The following EIF3H variants were observed in gnomAD, a reference collection of about 807,000 sequenced individuals.
EIF3H encodes eIF-3-gamma.
EIF3H carries 26 observed loss-of-function variants against 44.2 expected under a neutral mutation model. The observed-to-expected ratio is 0.59, with a 90% CI of 0.43 to 0.82. The LOEUF is 0.82. EIF3H is among the 40% of genes least tolerant of loss of function. The pLI, the probability that EIF3H is intolerant of heterozygous loss-of-function variation, is 0.00. For missense variants in EIF3H, 359 were observed against 432.8 expected (o/e 0.83, Z 1.51); for synonymous variants, 166 against 151.9 (o/e 1.09, Z -0.68).
At chr8:116,702,445 C>T (rs1363168603) in intron 2 of EIF3H, among the ~76,000 whole-genome samples, 1 of 152,210 alleles carries the variant, frequency 6.6e-6, no homozygotes, top group African/African-American at 2.4e-5. Flanking sequence ...TAACCACGTA[C>T]TGCCTTGTGA....
In EIF3H at chr8:116,763,823, A is replaced by C. The variant is rs141494635; in HGVS notation, c.-27+1692T>G. On this transcript the variant is annotated intron_variant, in intron 1 of 9. Coordinates refer to the EIF3H transcript ENST00000276682. Reference sequence around the variant, plus strand: ...GTCTAACATTTACGAAATTAAACAAAATTATACTAACATTGATGAAATTCA... The same window carrying C: ...GTCTAACATTTACGAAATTAAACAACATTATACTAACATTGATGAAATTCA... Among the ~76,000 whole-genome samples, 922 of 152,350 alleles carry C rather than the reference A, an allele frequency of 6.1e-3. 7 individuals are homozygous for C. The highest frequency in any genetic ancestry group is 0.02 in the African/African-American group (848 of 41,578).
intron 1 of EIF3H, among the ~76,000 whole-genome samples, chr8:116,727,019 T>C (rs1011904164): frequency 6.6e-6 from 1 of 152,166 alleles, no homozygotes; most frequent in Non-Finnish European, 1.5e-5. Flanking sequence ...AAAATTGTAA[T>C]GTAAAGTTCT....
intron 7 of EIF3H, among the ~76,000 whole-genome samples, chr8:116,645,709 T>G (rs1563630904): frequency 6.6e-6 from 1 of 152,210 alleles, no homozygotes; most frequent in African/African-American, 2.4e-5. Flanking sequence ...AATTGGACCT[T>G]TGGGAAGGAA....
At chr8:116,691,632 T>C (rs893711115) in intron 2 of EIF3H, among the ~76,000 whole-genome samples, 7 of 152,098 alleles carry the variant, frequency 4.6e-5, no homozygotes, top group East Asian at 3.9e-4. Flanking sequence ...CCCAGCACTT[T>C]AGAAGGACAA....
Position 116,760,947 on chromosome 8 carries a change from G to A in EIF3H, c.-27+4568C>T, listed in dbSNP as rs181092995. Among the ~76,000 whole-genome samples, 11 of 152,196 alleles carry A rather than the reference G, an allele frequency of 7.2e-5. No homozygotes were observed. The East Asian group carries it at 1.9e-3, about 27-fold the overall frequency. ...CTTTAAGTAACAGTAATAATATTTG[G>A]TTACCTAGAGTAATTTTATAAAGAT... On this transcript the variant is annotated intron_variant, in intron 1 of 9. Transcript: ENST00000276682.
At chr8:116,714,033 T>C (rs1258413974) in intron 2 of EIF3H, among the ~76,000 whole-genome samples, 1 of 152,048 alleles carries the variant, frequency 6.6e-6, no homozygotes, top group African/African-American at 2.4e-5. Flanking sequence ...CTTTCATGTA[T>C]AAAAACAAAC....
At chr8:116,689,856 C>T (rs1048625982) in intron 2 of EIF3H, among the ~76,000 whole-genome samples, 3 of 152,096 alleles carry the variant, frequency 2.0e-5, no homozygotes, top group African/African-American at 4.8e-5. Flanking sequence ...TTTTAGTTAA[C>T]TAGTATGAGT....
intron 5 of EIF3H, among the ~76,000 whole-genome samples, chr8:116,650,369 A>G (rs1041213811): frequency 1.2e-4 from 18 of 151,944 alleles, no homozygotes. Context: ...CAGCAATTCC[A>G]CTCTTATGAA....
chr8:116,718,270 A>G (rs973152617), intron 2 of EIF3H, among the ~76,000 whole-genome samples: 1 of 152,150 alleles, frequency 6.6e-6, no homozygotes, highest in African/African-American at 2.4e-5. Context: ...TTTGGTGGGA[A>G]TGTAAACTAG....
At chr8:116,705,450 A>G (rs1396531711) in intron 2 of EIF3H, among the ~76,000 whole-genome samples, 1 of 151,532 alleles carries the variant, frequency 6.6e-6, no homozygotes, top group Admixed American at 6.6e-5. Context: ...CAAGTGACCA[A>G]GGTTAGCATC....
intron 2 of EIF3H, among the ~76,000 whole-genome samples, chr8:116,683,155 TATAG>T (rs1196395091): frequency 5.3e-5 from 8 of 152,346 alleles, no homozygotes; most frequent in Admixed American, 1.3e-4. Context: ...ATCTCCTTAG[TATAG>T]ATAGAGATCA....
At chr8:116,659,297 A>G (rs1332358220) in intron 2 of EIF3H, among the ~76,000 whole-genome samples, 1 of 152,248 alleles carries the variant, frequency 6.6e-6, no homozygotes, top group Non-Finnish European at 1.5e-5. Flanking sequence ...CTCTCAAAAT[A>G]GTAAATGTTT....
At chr8:116,691,723 A>G (rs1438078681) in intron 2 of EIF3H, among the ~76,000 whole-genome samples, 1 of 152,130 alleles carries the variant, frequency 6.6e-6, no homozygotes, top group Non-Finnish European at 1.5e-5. Flanking sequence ...AAAAATACAA[A>G]AATTAGCTGG....
intron 2 of EIF3H, among the ~76,000 whole-genome samples, chr8:116,661,494 ATTC>A (rs1813586452): frequency 6.6e-6 from 1 of 152,150 alleles, no homozygotes; most frequent in Non-Finnish European, 1.5e-5. Context: ...ACAGTTAATA[ATTC>A]TTCTTTGATA....
At chr8:116,716,734 T>TA (rs1814664189) in intron 2 of EIF3H, among the ~76,000 whole-genome samples, 1 of 151,974 alleles carries the variant, frequency 6.6e-6, no homozygotes, top group Admixed American at 6.6e-5. Context: ...ATGAAGCCAT[T>TA]AAAAAATATG....
At chr8:116,734,412 A>G (rs1814999648) in intron 1 of EIF3H, 5 of 455,356 alleles carry the variant, frequency 1.1e-5, no homozygotes, top group Admixed American at 9.4e-5. Flanking sequence ...TAAAAATGCT[A>G]ATATTTACAT....
intron 2 of EIF3H, among the ~76,000 whole-genome samples, chr8:116,669,575 T>C (rs909796685): frequency 1.3e-5 from 2 of 152,214 alleles, no homozygotes; most frequent in Admixed American, 6.5e-5. Context: ...ATACACCATG[T>C]ATTGCTTAGG....
chr8:116,673,124 T>C (rs1045593106), intron 2 of EIF3H, among the ~76,000 whole-genome samples: 2 of 151,986 alleles, frequency 1.3e-5, no homozygotes, highest in South Asian at 2.1e-4. Flanking sequence ...GCTTGCACTA[T>C]AGGTTCCATG....
At chr8:116,655,431 G>GT (rs932419411) in intron 5 of EIF3H, among the ~76,000 whole-genome samples, 14 of 152,106 alleles carry the variant, frequency 9.2e-5, no homozygotes, top group Middle Eastern at 3.4e-3. Flanking sequence ...CTGAACAAGG[G>GT]TAAGTACAAC....
Sources: allele counts gnomAD v4.1 joint callset (sites outside exome capture counted in the v4.1 genomes callset), GRCh38; gene constraint gnomAD v4.1.1; transcripts MANE v1.5; gene names NCBI Gene and HGNC (gene_info 2026-07-23, HGNC 2026-07-21).